Variants in SPAG1 observed in about 807,000 individuals in gnomAD.
The protein encoded by SPAG1 is sperm-associated antigen 1.
Under a neutral mutation model 100.5 loss-of-function variants are expected in SPAG1, and 69 were observed. The observed-to-expected ratio is 0.69, with a 90% CI of 0.57 to 0.84. The LOEUF (loss-of-function observed/expected upper bound fraction) is 0.84. Among genes scored for constraint, SPAG1 ranks in the 40% least tolerant of loss-of-function variants. The pLI, the probability that SPAG1 is intolerant of heterozygous loss-of-function variation, is 0.00. For synonymous variants in SPAG1, 336 were observed against 411.6 expected (o/e 0.82, Z 2.22); for missense variants, 955 against 1,133.1 (o/e 0.84, Z 2.26).
At chr8:100,214,718 C>T (rs1817888662) in intron 12 of SPAG1, among the ~76,000 whole-genome samples, 1 of 152,048 alleles carries the variant, frequency 6.6e-6, no homozygotes, top group Non-Finnish European at 1.5e-5. Flanking sequence ...CACAGTGGCT[C>T]ACGCCTGTAA....
chr8:100,213,509 GC>G (rs1817834453), intron 11 of SPAG1, 81 bp downstream of exon 11: 1 of 1,104,152 alleles, frequency 9.1e-7, no homozygotes, highest in Admixed American at 4.2e-5. Flanking sequence ...TGGGAGAGGC[GC>G]TGCCGCCTCC....
intron 10 of SPAG1, among the ~76,000 whole-genome samples, chr8:100,212,839 G>C (rs750135622): frequency 8.5e-5 from 13 of 152,332 alleles, no homozygotes; most frequent in Admixed American, 6.5e-4. Context: ...TAAACAGTTA[G>C]AGACAGGGTA....
At chr8:100,240,214 CTT>C (rs1335325594) in intron 17 of SPAG1, among the ~76,000 whole-genome samples, 187 bp from the exon 18 acceptor site, 1 of 151,962 alleles carries the variant, frequency 6.6e-6, no homozygotes, top group Non-Finnish European at 1.5e-5. Flanking sequence ...TTTTTTAAAA[CTT>C]TTATGAATTG....
Position 100,220,271 on chromosome 8 carries a change from T to C in SPAG1, c.1536-8T>C. On this transcript the variant is annotated splice_region_variant and splice_polypyrimidine_tract_variant and intron_variant, in intron 12 of 18. Coordinates refer to ENST00000388798, the MANE Select transcript of SPAG1 (RefSeq NM_003114.5). ...ACAAATGGTATGTAATATTTTTGTC[T>C]TCTTTAGGGCTCTGGAACTTCATCC... The C allele has an allele frequency of 6.3e-7, 1 of 1,598,896 alleles. No individual in the cohort carries two copies. Among genetic ancestry groups the C allele is most frequent in the Non-Finnish European group, 8.5e-7 (1 of 1,176,032 alleles).
chr8:100,231,720 G>C (rs1408685497), intron 15 of SPAG1, among the ~76,000 whole-genome samples: 1 of 152,202 alleles, frequency 6.6e-6, no homozygotes, highest in Non-Finnish European at 1.5e-5. Flanking sequence ...AGCACTTTGG[G>C]AGGCCGAGGC....
intron 14 of SPAG1, among the ~76,000 whole-genome samples, chr8:100,230,350 C>A (rs1437248983): frequency 6.6e-6 from 1 of 152,184 alleles, no homozygotes; most frequent in Admixed American, 6.5e-5. Flanking sequence ...CAAGCTTAAC[C>A]AGAGGTCTGA....
At chr8:100,192,663 C>T (rs1273833051) in intron 9 of SPAG1, among the ~76,000 whole-genome samples, 1 of 152,176 alleles carries the variant, frequency 6.6e-6, no homozygotes, top group Admixed American at 6.5e-5. Flanking sequence ...ATATCAGCTG[C>T]TTTGTCAAGT....
chr8:100,198,668 T>C (rs1014005825), intron 10 of SPAG1, among the ~76,000 whole-genome samples: 1 of 152,214 alleles, frequency 6.6e-6, no homozygotes, highest in African/African-American at 2.4e-5. Flanking sequence ...AATCCATCCT[T>C]TTCAAATTCA....
At chr8:100,163,962 T>G (rs1194455855) in intron 2 of SPAG1, among the ~76,000 whole-genome samples, 1 of 152,232 alleles carries the variant, frequency 6.6e-6, no homozygotes, top group Non-Finnish European at 1.5e-5. Flanking sequence ...GAATTGTTTT[T>G]TAAAATTTAA....
At chr8:100,217,467 G>A (rs534624630) in intron 12 of SPAG1, among the ~76,000 whole-genome samples, 14 of 152,002 alleles carry the variant, frequency 9.2e-5, no homozygotes, top group South Asian at 2.1e-4. Context: ...GTTGGGGTTG[G>A]GGGGGTGTTG....
intron 9 of SPAG1, among the ~76,000 whole-genome samples, chr8:100,191,859 A>T (rs552189245): frequency 3.2e-4 from 49 of 152,220 alleles, no homozygotes; most frequent in Non-Finnish European, 5.3e-4. Flanking sequence ...CTTTGTAATG[A>T]GCATGGTAGC....
intron 16 of SPAG1, among the ~76,000 whole-genome samples, chr8:100,237,605 CT>C (rs910922862): frequency 1.3e-5 from 2 of 152,166 alleles, no homozygotes; most frequent in African/African-American, 4.8e-5. Context: ...CTTTCTTTGT[CT>C]TTTCCGTGGT....
intron 10 of SPAG1, among the ~76,000 whole-genome samples, chr8:100,199,919 T>C (rs1817198493): frequency 6.6e-6 from 1 of 151,522 alleles, no homozygotes; most frequent in Non-Finnish European, 1.5e-5. Flanking sequence ...AGTTTTTTGT[T>C]TTTTTTTTAG....
Position 100,233,493 on chromosome 8 carries a change from G to A in SPAG1, c.2071G>A (p.Val691Met), listed in dbSNP as rs372189670. ...DQALQLADGN[V>M]KAFYRRALAH... ...GGCACTTCAGCTAGCTGATGGGAAC[G>A]TGAAAGCCTTCTATAGACGAGCTCT... is the stretch of plus-strand genomic sequence containing the variant. Residue 691 changes from valine to methionine, a missense_variant, in exon 16 of 19, where the codon GTG (valine) becomes ATG (methionine). Val to Met is a conservative substitution (Grantham distance 21, BLOSUM62 1). Coordinates refer to ENST00000388798, the MANE Select transcript of SPAG1 (RefSeq NM_003114.5). 20 of 1,613,756 alleles carry A rather than the reference G, an allele frequency of 1.2e-5. No individual in the cohort carries two copies. Among genetic ancestry groups the A allele is most frequent in the African/African-American group, 2.7e-5 (2 of 74,926 alleles).
chr8:100,168,405 T>C (rs1010737296), intron 3 of SPAG1, among the ~76,000 whole-genome samples: 1 of 152,132 alleles, frequency 6.6e-6, no homozygotes, highest in African/African-American at 2.4e-5. Flanking sequence ...GCCAAATAAT[T>C]GTTCTTTATC....
At position 100,233,242 on chromosome 8, in the gene SPAG1, G is replaced by A. The variant is rs144105066; in HGVS notation, c.1989-169G>A. The A allele has an allele frequency of 4.4e-4, 283 of 648,590 alleles. 1 individual carries two copies. The highest frequency in any genetic ancestry group is 4.2e-3 in the African/African-American group (228 of 54,872). 40.2% of individuals were successfully genotyped at this position (648,590 alleles called of 1,614,324 possible). A position where few individuals can be genotyped will look rare whatever the true frequency, so the allele number is the denominator to read the frequency against. ...AGGGCTGTGACTGTATTTTGTTTGC[G>A]GTTGTATGCCCAGTGCCATAATTGA... On this transcript the variant is annotated intron_variant, in intron 15 of 18. Transcript: ENST00000388798.
intron 18 of SPAG1, 27 bp from the exon 19 acceptor site, chr8:100,240,864 G>GTTTTTTTT (rs57110081): frequency 6.3e-4 from 871 of 1,387,842 alleles, no homozygotes; most frequent in East Asian, 2.3e-3. Flanking sequence ...TTGGTTTTTT[G>GTTTTTTTT]TTTTTTTTTT....
Position 100,213,149 on chromosome 8 carries a change from C to T in SPAG1, c.1156C>T (p.Gln386Ter), listed in dbSNP as rs1229952265. Residue 386 changes from glutamine to a stop codon, truncating the protein, a stop_gained, in exon 11 of 19, where the codon CAG becomes TAG. Coordinates refer to ENST00000388798, the MANE Select transcript of SPAG1 (RefSeq NM_003114.5). LOFTEE classifies it high-confidence loss of function. ...AAQPCVMGNI[Q>*]KKLTGKAEGG... ...CCAGCCGTGCGTCATGGGCAACATC[C>T]AGAAGAAGCTGACTGGCAAAGCCGA... 2.7e-6 allele frequency: 4 copies of T among 1,482,136 alleles called. No individual in the cohort carries two copies. The highest frequency in any genetic ancestry group is 3.6e-6 in the Non-Finnish European group (4 of 1,123,086). 91.8% of individuals were successfully genotyped at this position (1,482,136 alleles called of 1,614,324 possible). A position where few individuals can be genotyped will look rare whatever the true frequency, so the allele number is the denominator to read the frequency against.
At chr8:100,225,788 G>C (rs765345707) in intron 14 of SPAG1, among the ~76,000 whole-genome samples, 28 of 151,890 alleles carry the variant, frequency 1.8e-4, no homozygotes, top group Non-Finnish European at 3.5e-4. Flanking sequence ...TTAAGAAGTT[G>C]CTACATACCT....
Sources: gnomAD v4.1 joint callset for allele counts (sites outside exome capture counted in the v4.1 genomes callset) on GRCh38, gnomAD v4.1.1 for gene constraint, MANE v1.5 for transcripts, NCBI Gene and HGNC (gene_info 2026-07-23, HGNC 2026-07-21) for gene names.